The following DLG2 variants were observed in gnomAD, a reference collection of about 807,000 sequenced individuals.
The protein encoded by DLG2 is disks large homolog 2.
Under a neutral mutation model 132.5 loss-of-function variants are expected in DLG2, and 45 were observed. The observed-to-expected ratio is 0.34, with a 90% CI of 0.27 to 0.44. The LOEUF is 0.44. Among genes scored for constraint, DLG2 ranks in the 20% least tolerant of loss-of-function variants. DLG2 has a pLI of 1.00. For missense variants in DLG2, 1,045 were observed against 1,196.9 expected, an observed-to-expected ratio of 0.87 and a Z score of 1.87; for synonymous variants, 424 against 419.6, an observed-to-expected ratio of 1.01 and a Z score of -0.13.
chr11:84,650,383 G>C (rs1259220649), intron 6 of DLG2, among the ~76,000 whole-genome samples: 2 of 152,172 alleles, frequency 1.3e-5, no homozygotes, highest in Non-Finnish European at 2.9e-5. Context: ...GTTTTGGCCT[G>C]AGACTAGACA....
chr11:84,340,749 A>G (rs977817075), intron 7 of DLG2, among the ~76,000 whole-genome samples: 2 of 152,160 alleles, frequency 1.3e-5, no homozygotes, highest in Admixed American at 6.6e-5. Flanking sequence ...ACATAACTTC[A>G]GGGTAATTAG....
chr11:83,869,245 A>G (rs148987203), intron 16 of DLG2, among the ~76,000 whole-genome samples: 1 of 152,246 alleles, frequency 6.6e-6, no homozygotes, highest in African/African-American at 2.4e-5. Context: ...TACTTAGAGG[A>G]AAAAAAGACG....
Position 84,364,259 on chromosome 11 carries a change from C to T in DLG2, c.520-112968G>A, listed in dbSNP as rs1469080629. On this transcript the variant is annotated intron_variant, in intron 7 of 27. Transcript: ENST00000376104. ...TAAGTTGGATTCCTAGGTATTTTAT[C>T]CTCTTTGAAGCAATTGTGAATGGGA... Among the ~76,000 whole-genome samples the T allele has an allele frequency of 4.7e-4, 72 of 151,746 alleles. 1 individual carries two copies. Among genetic ancestry groups the T allele is most frequent in the African/African-American group, 1.6e-3 (67 of 41,326 alleles).
intron 9 of DLG2, among the ~76,000 whole-genome samples, chr11:84,134,889 C>T (rs534583083): frequency 6.6e-6 from 1 of 151,962 alleles, no homozygotes. Context: ...GTAGTCATTA[C>T]AGCACCCACC....
intron 6 of DLG2, among the ~76,000 whole-genome samples, chr11:84,966,575 T>C (rs2053380350): frequency 6.6e-6 from 1 of 152,138 alleles, no homozygotes; most frequent in Non-Finnish European, 1.5e-5. Flanking sequence ...TGGCATAGTC[T>C]TGGCATGTGA....
intron 3 of DLG2, among the ~76,000 whole-genome samples, chr11:85,470,291 A>T (rs993202876): frequency 2.0e-5 from 3 of 152,004 alleles, no homozygotes; most frequent in Non-Finnish European, 4.4e-5. Flanking sequence ...GCCCATTGAT[A>T]TCACTAGGAC....
intron 18 of DLG2, among the ~76,000 whole-genome samples, chr11:83,765,476 T>C (rs376537297): frequency 2.7e-4 from 41 of 152,254 alleles, no homozygotes; most frequent in Admixed American, 2.0e-3. Flanking sequence ...TGTTGTTTAA[T>C]ATCCAGAAAG....
At chr11:84,391,603 C>G (rs1257616784) in intron 7 of DLG2, among the ~76,000 whole-genome samples, 2 of 151,964 alleles carry the variant, frequency 1.3e-5, no homozygotes, top group African/African-American at 4.8e-5. Flanking sequence ...CAAGACAAGA[C>G]AAGGGTGGCA....
chr11:85,314,272 C>T (rs1017855823), intron 3 of DLG2, among the ~76,000 whole-genome samples: 10 of 151,434 alleles, frequency 6.6e-5, no homozygotes, highest in Admixed American at 1.3e-4. Context: ...CTGTCTAACA[C>T]GATAGAAAAA....
chr11:84,392,776 C>T (rs762190696), intron 7 of DLG2, among the ~76,000 whole-genome samples: 6 of 152,102 alleles, frequency 3.9e-5, no homozygotes, highest in Non-Finnish European at 8.8e-5. Flanking sequence ...GAAATTATAA[C>T]GTTTACTTAT....
intron 3 of DLG2, among the ~76,000 whole-genome samples, chr11:85,395,205 A>T (rs1428983374): frequency 6.6e-6 from 1 of 152,186 alleles, no homozygotes; most frequent in Non-Finnish European, 1.5e-5. Context: ...GTTAATAAAG[A>T]TCAGAATGTT....
chr11:83,939,087 C>T (rs2082102147), intron 14 of DLG2, among the ~76,000 whole-genome samples: 2 of 152,202 alleles, frequency 1.3e-5, no homozygotes, highest in South Asian at 4.1e-4. Flanking sequence ...CTTCCCCTTT[C>T]ACTGATCATT....
intron 4 of DLG2, among the ~76,000 whole-genome samples, chr11:85,278,159 C>T (rs1324880925): frequency 6.6e-6 from 1 of 152,190 alleles, no homozygotes; most frequent in Non-Finnish European, 1.5e-5. Context: ...ATGTCAGACA[C>T]ATGTTTATTA....
At chr11:85,211,762 C>G (rs1242937589) in intron 4 of DLG2, among the ~76,000 whole-genome samples, 1 of 152,098 alleles carries the variant, frequency 6.6e-6, no homozygotes, top group Non-Finnish European at 1.5e-5. Context: ...CGAGGTCACT[C>G]CTTTTATATG....
intron 6 of DLG2, among the ~76,000 whole-genome samples, chr11:84,536,730 A>C (rs753632663): frequency 3.3e-5 from 5 of 152,044 alleles, no homozygotes; most frequent in Non-Finnish European, 7.4e-5. Context: ...AGTCAATCAG[A>C]CTCCATCCTG....
chr11:84,710,611 T>G (rs1406448029), intron 6 of DLG2, among the ~76,000 whole-genome samples: 2 of 151,976 alleles, frequency 1.3e-5, no homozygotes, highest in Non-Finnish European at 2.9e-5. Context: ...CCTGCCTGGT[T>G]TAATCCATAA....
At chr11:84,113,530 A>G (rs1337319092) in intron 9 of DLG2, among the ~76,000 whole-genome samples, 2 of 152,200 alleles carry the variant, frequency 1.3e-5, no homozygotes, top group African/African-American at 4.8e-5. Flanking sequence ...TTGAATTTTC[A>G]AGCACACATT....
intron 6 of DLG2, among the ~76,000 whole-genome samples, chr11:84,944,808 G>A (rs1271371198): frequency 6.6e-6 from 1 of 152,046 alleles, no homozygotes; most frequent in African/African-American, 2.4e-5. Context: ...GTTTCACCAT[G>A]TTAGCCAGGA....
intron 9 of DLG2, among the ~76,000 whole-genome samples, chr11:84,127,324 T>G (rs2094220135): frequency 6.6e-6 from 1 of 152,166 alleles, no homozygotes; most frequent in East Asian, 1.9e-4. Context: ...TCCCCAGTGA[T>G]CAAAAGGTTT....
Sources: allele counts gnomAD v4.1 joint callset (sites outside exome capture counted in the v4.1 genomes callset), GRCh38; gene constraint gnomAD v4.1.1; transcripts MANE v1.5; gene names NCBI Gene and HGNC (gene_info 2026-07-23, HGNC 2026-07-21).